KCNQ3: variants seen among roughly 807,000 people sequenced by gnomAD.
KCNQ3 encodes the protein potassium voltage-gated channel subfamily Q member 3, also known as potassium voltage-gated channel subfamily KQT member 3.
A neutral mutation model predicts 92.5 loss-of-function variants in KCNQ3; 30 were observed. That is an observed-to-expected ratio of 0.32 (90% CI 0.24 to 0.44). The LOEUF (loss-of-function observed/expected upper bound fraction) is 0.44, where lower values mean the gene tolerates loss of function less well. Ranked by LOEUF, KCNQ3 falls within the 20% of genes least tolerant of loss-of-function variation. The pLI is 1.00. For synonymous variants in KCNQ3, 450 were observed against 468.8 expected (o/e 0.96, Z 0.52); for missense variants, 913 against 1,140.3 (o/e 0.80, Z 2.87).
At chr8:132,320,092 T>A (rs976142370) in intron 1 of KCNQ3, among the ~76,000 whole-genome samples, 1 of 152,220 alleles carries the variant, frequency 6.6e-6, no homozygotes, top group Non-Finnish European at 1.5e-5. Context: ...GGTACACACA[T>A]CTGTCAATTT....
chr8:132,458,734 C>T (rs1465916939), intron 1 of KCNQ3, among the ~76,000 whole-genome samples: 6 of 152,202 alleles, frequency 3.9e-5, no homozygotes, highest in Non-Finnish European at 7.3e-5. Flanking sequence ...GGATTATAGG[C>T]ATGAGCCACT....
At chr8:132,240,284 T>G (rs1214390171) in intron 1 of KCNQ3, among the ~76,000 whole-genome samples, 1 of 151,622 alleles carries the variant, frequency 6.6e-6, no homozygotes, top group Admixed American at 6.6e-5. Flanking sequence ...CCTCCAGGGT[T>G]CAAGTGCATC....
chr8:132,188,482 C>T (rs1827066627), intron 1 of KCNQ3, among the ~76,000 whole-genome samples: 1 of 152,150 alleles, frequency 6.6e-6, no homozygotes, highest in Non-Finnish European at 1.5e-5. Flanking sequence ...TGTTCTTAGA[C>T]AAAATACAAA....
At chr8:132,474,614 G>A (rs941156919) in intron 1 of KCNQ3, among the ~76,000 whole-genome samples, 2 of 152,100 alleles carry the variant, frequency 1.3e-5, no homozygotes, top group African/African-American at 4.8e-5. Context: ...TTGCAGCAAA[G>A]TCTTGATTAA....
intron 1 of KCNQ3, among the ~76,000 whole-genome samples, chr8:132,197,014 T>C (rs1400500100): frequency 1.0e-5 from 1 of 99,358 alleles, no homozygotes; most frequent in Non-Finnish European, 2.1e-5. Flanking sequence ...GTCTCATGGA[T>C]TTTTTTTTTT....
chr8:132,122,676 A>G lies in KCNQ3; in HGVS notation c.*6586T>C, dbSNP rs1203379189. 6.6e-6 allele frequency: 1 copy of G among 152,176 alleles called. No individual in the cohort carries two copies. Among genetic ancestry groups the G allele is most frequent in the African/African-American group, 2.4e-5 (1 of 41,458 alleles). The allele number at this position is 152,176 out of a possible 1,614,324, so 9.4% of individuals were successfully genotyped here. ...ACTATTGTTGTTCTAGAACTTGACCATCCTTCTTTCTGAATATCTCTTAGG... is the reference window on the plus strand; with the variant it reads ...ACTATTGTTGTTCTAGAACTTGACCGTCCTTCTTTCTGAATATCTCTTAGG... On this transcript the variant is annotated 3_prime_UTR_variant, in exon 15 of 15. Transcript: ENST00000388996.
At position 132,145,695 on chromosome 8, in the gene KCNQ3, CA is replaced by C. The variant is rs1484871324; in HGVS notation, c.1263-4365del. Among the ~76,000 whole-genome samples, 7 of 152,300 alleles carry C rather than the reference CA, an allele frequency of 4.6e-5. No individual in the cohort carries two copies. The East Asian group carries it at 1.4e-3, about 29-fold the overall frequency. ...AGAAGACATATAATAAGTAAACAGA[CA>C]CATTCATTGCTAGAAATCTGACAAG... On this transcript the variant is annotated intron_variant, in intron 9 of 14. Coordinates refer to ENST00000388996, the MANE Select transcript of KCNQ3 (RefSeq NM_004519.4).
intron 1 of KCNQ3, among the ~76,000 whole-genome samples, chr8:132,330,313 G>T (rs184445280): frequency 1.6e-4 from 24 of 152,320 alleles, no homozygotes; most frequent in Admixed American, 1.0e-3. Flanking sequence ...ATAAATTTCT[G>T]TTGCTTTCAG....
chr8:132,407,410 C>T (rs1820520132), intron 1 of KCNQ3, among the ~76,000 whole-genome samples: 1 of 152,208 alleles, frequency 6.6e-6, no homozygotes, highest in African/African-American at 2.4e-5. Context: ...GGCTTACAGC[C>T]AGATTAAACT....
chr8:132,277,454 G>A lies in KCNQ3; in HGVS notation c.387-91273C>T, dbSNP rs189753385. 2.0e-5 allele frequency among the ~76,000 whole-genome samples: 3 copies of A among 152,260 alleles called. No individual in the cohort carries two copies. The East Asian group carries it at 5.8e-4, about 29-fold the overall frequency. ...GTGGAGGAGCTACACATTCAAGTTT[G>A]CAGAGTAAATCCTAAAAAGCCTTAG... On this transcript the variant is annotated intron_variant, in intron 1 of 14. Transcript: ENST00000388996.
chr8:132,392,263 C>G (rs896598847), intron 1 of KCNQ3, among the ~76,000 whole-genome samples: 11 of 152,148 alleles, frequency 7.2e-5, no homozygotes, highest in Non-Finnish European at 1.6e-4. Context: ...TTTGCTCCTG[C>G]CTTGGATTAA....
At position 132,379,017 on chromosome 8, in the gene KCNQ3, C is replaced by A. The variant is rs1313131705; in HGVS notation, c.386+101130G>T. Among the ~76,000 whole-genome samples, 5 of 152,134 alleles carry A rather than the reference C, an allele frequency of 3.3e-5. No individual in the cohort carries two copies. The South Asian group carries it at 8.3e-4, about 25-fold the overall frequency. ...TAAAGTTATTGAACGTTGAGTTAAC[C>A]AAGCCAGGACTTCTTGTTCTATAGG... is the stretch of plus-strand genomic sequence containing the variant. On this transcript the variant is annotated intron_variant, in intron 1 of 14. Transcript: ENST00000388996.
chr8:132,340,701 G>T (rs1818504692), intron 1 of KCNQ3, among the ~76,000 whole-genome samples: 1 of 152,024 alleles, frequency 6.6e-6, no homozygotes, highest in Non-Finnish European at 1.5e-5. Flanking sequence ...TGGGTTGATA[G>T]GTACAGAAAA....
intron 1 of KCNQ3, among the ~76,000 whole-genome samples, chr8:132,268,787 G>A (rs769969735): frequency 1.3e-5 from 2 of 152,136 alleles, no homozygotes; most frequent in Non-Finnish European, 2.9e-5. Context: ...AATATGTTTC[G>A]TTTTGTAAGA....
At chr8:132,187,253 G>A (rs775283166) in intron 1 of KCNQ3, 8 of 455,912 alleles carry the variant, frequency 1.8e-5, no homozygotes, top group Non-Finnish European at 8.8e-6. Context: ...GGCAGACGTT[G>A]CGCATACAGA....
chr8:132,296,067 C>T (rs1441286079), intron 1 of KCNQ3, among the ~76,000 whole-genome samples: 2 of 152,132 alleles, frequency 1.3e-5, no homozygotes, highest in East Asian at 1.9e-4. Context: ...AGTTATTGGG[C>T]ACTTGGAATG....
chr8:132,413,166 A>G (rs1193644206), intron 1 of KCNQ3, among the ~76,000 whole-genome samples: 2 of 152,250 alleles, frequency 1.3e-5, no homozygotes, highest in Non-Finnish European at 2.9e-5. Context: ...TCGCCACGCT[A>G]CAAATGATCT....
Position 132,194,477 on chromosome 8 carries a change from GGGTTGACAAATCATTTT to G in KCNQ3, c.387-8313_387-8297del, listed in dbSNP as rs550059449. On this transcript the variant is annotated intron_variant, in intron 1 of 14. Coordinates refer to ENST00000388996, the MANE Select transcript of KCNQ3 (RefSeq NM_004519.4). ...AGAACTGTTCCATCCACTAAGAACA[GGGTTGACAAATCATTTT>G]TTATCTTGAAAACCCACTAGGATGG... Among the ~76,000 whole-genome samples the G allele has an allele frequency of 4.3e-4, 65 of 152,336 alleles. 1 individual carries two copies. Among genetic ancestry groups the G allele is most frequent in the Admixed American group, 4.2e-3 (65 of 15,306 alleles).
chr8:132,391,466 T>A (rs181924287), intron 1 of KCNQ3, among the ~76,000 whole-genome samples: 2 of 151,480 alleles, frequency 1.3e-5, no homozygotes, highest in African/African-American at 4.9e-5. Flanking sequence ...AGCTAACAAA[T>A]GCTTTACGCC....
Sources: allele counts gnomAD v4.1 joint callset (sites outside exome capture counted in the v4.1 genomes callset), GRCh38; gene constraint gnomAD v4.1.1; transcripts MANE v1.5; gene names NCBI Gene and HGNC (gene_info 2026-07-23, HGNC 2026-07-21).